Variants in MARCHF1 observed in about 807,000 individuals in gnomAD.
MARCHF1 encodes the protein E3 ubiquitin-protein ligase MARCHF1.
Under a neutral mutation model 54.2 loss-of-function variants are expected in MARCHF1, and 40 were observed. The ratio of observed to expected loss-of-function variants is 0.74; its 90% CI spans 0.57 to 0.96. The LOEUF is 0.96. Among genes scored for constraint, MARCHF1 ranks in the 40% least tolerant of loss-of-function variants. The pLI, the probability that MARCHF1 is intolerant of heterozygous loss-of-function variation, is 0.00. For missense variants in MARCHF1, 586 were observed against 656.5 expected, an observed-to-expected ratio of 0.89 and a Z score of 1.17; for synonymous variants, 236 against 236.3, an observed-to-expected ratio of 1.00 and a Z score of 0.01.
chr4:163,752,719 AAAG>A (rs1311130390), intron 4 of MARCHF1, among the ~76,000 whole-genome samples: 3 of 152,312 alleles, frequency 2.0e-5, no homozygotes, highest in East Asian at 1.9e-4. Flanking sequence ...ATAGGTAATC[AAAG>A]AAGAAAAATC....
chr4:163,676,749 TC>T (rs1404438572), intron 5 of MARCHF1, among the ~76,000 whole-genome samples: 2 of 151,706 alleles, frequency 1.3e-5, no homozygotes, highest in African/African-American at 4.8e-5. Context: ...TGAGACCCTG[TC>T]CCAAAAAGAA....
Position 163,743,404 on chromosome 4 carries a change from G to A in MARCHF1, c.112-42541C>T, listed in dbSNP as rs557046525. On this transcript the variant is annotated intron_variant, in intron 4 of 9. Coordinates refer to ENST00000514618, the MANE Select transcript of MARCHF1 (RefSeq NM_001394959.1). ...TTTCAGATTAAACCCAACGAACAGG[G>A]GCAACCCAATAAGATGCTCTATGAG... 1.9e-4 allele frequency among the ~76,000 whole-genome samples: 29 copies of A among 152,170 alleles called. No individual in the cohort carries two copies. In the South Asian group the frequency reaches 2.5e-3, roughly 13 times the overall value.
At position 163,623,815 on chromosome 4, in the gene MARCHF1, G is replaced by T. The variant is rs543842146; in HGVS notation, c.163-10422C>A. Among the ~76,000 whole-genome samples, 44 of 152,026 alleles carry T rather than the reference G, an allele frequency of 2.9e-4. 1 individual carries two copies. The highest frequency in any genetic ancestry group is 2.6e-3 in the Admixed American group (39 of 15,256). On this transcript the variant is annotated intron_variant, in intron 5 of 9. Transcript: ENST00000514618. ...CTACCCATTCATTTATAATCCCGGG[G>T]TGACTTCCTAAATCCCCTACCTGCA...
At chr4:164,021,854 CAA>C (rs71777955) in intron 2 of MARCHF1, among the ~76,000 whole-genome samples, 39 of 137,824 alleles carry the variant, frequency 2.8e-4, no homozygotes, top group South Asian at 1.6e-3. Flanking sequence ...ACCTCCATGT[CAA>C]AAAAAAAAAA....
At chr4:163,935,361 C>T (rs896771719) in intron 3 of MARCHF1, among the ~76,000 whole-genome samples, 9 of 152,118 alleles carry the variant, frequency 5.9e-5, no homozygotes, top group African/African-American at 2.2e-4. Context: ...ATGTTTTCAC[C>T]TACATTGAAA....
chr4:164,279,966 T>A (rs891779956), intron 1 of MARCHF1, among the ~76,000 whole-genome samples: 2 of 152,006 alleles, frequency 1.3e-5, no homozygotes, highest in African/African-American at 4.8e-5. Flanking sequence ...GGAAATTTTT[T>A]AAAAACTTCA....
intron 1 of MARCHF1, among the ~76,000 whole-genome samples, chr4:164,252,964 C>A (rs913274172): frequency 2.6e-5 from 4 of 151,834 alleles, no homozygotes; most frequent in Non-Finnish European, 4.4e-5. Flanking sequence ...GAGAATTTTC[C>A]GAAGCCAGGA....
intron 4 of MARCHF1, among the ~76,000 whole-genome samples, chr4:163,740,277 C>T (rs1037969504): frequency 1.3e-5 from 2 of 152,168 alleles, no homozygotes; most frequent in Non-Finnish European, 2.9e-5. Flanking sequence ...ATGTTTTAGT[C>T]CCAGTACCGG....
At chr4:163,930,459 T>C (rs1751646343) in intron 3 of MARCHF1, among the ~76,000 whole-genome samples, 1 of 150,386 alleles carries the variant, frequency 6.6e-6, no homozygotes, top group Admixed American at 6.8e-5. Flanking sequence ...GACTTGTGGT[T>C]TGGGCCTTTG....
intron 1 of MARCHF1, among the ~76,000 whole-genome samples, chr4:164,323,939 G>A (rs1735208424): frequency 6.6e-6 from 1 of 151,754 alleles, no homozygotes; most frequent in African/African-American, 2.4e-5. Flanking sequence ...ATTCAACAAT[G>A]TAAAAGCTAA....
At chr4:164,194,157 T>C (rs1579611774) in intron 1 of MARCHF1, among the ~76,000 whole-genome samples, 1 of 152,334 alleles carries the variant, frequency 6.6e-6, no homozygotes, top group East Asian at 1.9e-4. Context: ...ATGTTTGTTC[T>C]CATGACTACA....
chr4:164,281,534 G>A (rs953216491), intron 1 of MARCHF1, among the ~76,000 whole-genome samples: 3 of 152,094 alleles, frequency 2.0e-5, no homozygotes, highest in African/African-American at 4.8e-5. Flanking sequence ...TGGCTGGAAC[G>A]AGAAGAAAAG....
chr4:163,766,617 T>A (rs1433920371), intron 4 of MARCHF1, among the ~76,000 whole-genome samples: 1 of 152,154 alleles, frequency 6.6e-6, no homozygotes, highest in African/African-American at 2.4e-5. Flanking sequence ...CTTTCACAAA[T>A]AAGGGAGAAG....
At chr4:163,852,275 G>A (rs1749661823) in intron 4 of MARCHF1, among the ~76,000 whole-genome samples, 1 of 152,024 alleles carries the variant, frequency 6.6e-6, no homozygotes, top group African/African-American at 2.4e-5. Flanking sequence ...GATGTCATTA[G>A]GTTTATTATT....
intron 4 of MARCHF1, among the ~76,000 whole-genome samples, chr4:163,733,215 A>ACACACATG (rs1393745834): frequency 2.8e-5 from 1 of 35,122 alleles, no homozygotes; most frequent in African/African-American, 6.3e-5. Context: ...ATATATATAT[A>ACACACATG]TATATACACG....
At chr4:163,954,310 G>C (rs986693985) in intron 3 of MARCHF1, among the ~76,000 whole-genome samples, 2 of 152,044 alleles carry the variant, frequency 1.3e-5, no homozygotes, top group African/African-American at 2.4e-5. Context: ...ATATTTATAT[G>C]TTATGTAAAA....
At chr4:164,128,571 T>A (rs1171077211) in intron 1 of MARCHF1, among the ~76,000 whole-genome samples, 3 of 152,130 alleles carry the variant, frequency 2.0e-5, no homozygotes, top group African/African-American at 7.2e-5. Context: ...CTTGAGATAC[T>A]ATTTCTCATC....
intron 4 of MARCHF1, among the ~76,000 whole-genome samples, chr4:163,756,245 T>A (rs773367392): frequency 3.9e-5 from 6 of 152,108 alleles, no homozygotes; most frequent in Non-Finnish European, 8.8e-5. Context: ...GGAGCCAGAA[T>A]GTAATCCTAT....
chr4:164,263,528 T>C (rs895733822), intron 1 of MARCHF1, among the ~76,000 whole-genome samples: 6 of 152,106 alleles, frequency 3.9e-5, no homozygotes, highest in African/African-American at 1.4e-4. Context: ...TCCCCAGTAG[T>C]TGGGATTACT....
Sources: allele counts gnomAD v4.1 joint callset (sites outside exome capture counted in the v4.1 genomes callset), GRCh38; gene constraint gnomAD v4.1.1; transcripts MANE v1.5; gene names NCBI Gene and HGNC (gene_info 2026-07-23, HGNC 2026-07-21).